Variants in KIAA1671 observed in about 807,000 individuals in gnomAD.
KIAA1671 encodes uncharacterized protein KIAA1671.
KIAA1671 carries 52 observed loss-of-function variants against 131.2 expected under a neutral mutation model. The observed-to-expected ratio is 0.40, with a 90% CI of 0.32 to 0.50. The LOEUF (loss-of-function observed/expected upper bound fraction) is 0.50. Ranked by LOEUF, KIAA1671 falls within the 20% of genes least tolerant of loss-of-function variation. The pLI is 0.73. For missense variants in KIAA1671, 2,360 were observed against 2,364.2 expected, an observed-to-expected ratio of 1.00 and a Z score of 0.04; for synonymous variants, 1,003 against 961.6, an observed-to-expected ratio of 1.04 and a Z score of -0.80.
chr22:25,131,920 G>C (rs568649779), intron 6 of KIAA1671, among the ~76,000 whole-genome samples: 8 of 152,320 alleles, frequency 5.3e-5, no homozygotes, highest in African/African-American at 1.7e-4. Context: ...AGATTGACAC[G>C]AGTTGATGGG....
chr22:25,165,757 C>T (rs1320079478), intron 6 of KIAA1671, among the ~76,000 whole-genome samples: 1 of 152,134 alleles, frequency 6.6e-6, no homozygotes, highest in African/African-American at 2.4e-5. Flanking sequence ...GGAAGGCTTC[C>T]TGGCCATCAA....
At chr22:25,083,629 C>T (rs1219011925) in intron 6 of KIAA1671, among the ~76,000 whole-genome samples, 4 of 152,228 alleles carry the variant, frequency 2.6e-5, no homozygotes, top group African/African-American at 9.6e-5. Context: ...AAGATTTGAT[C>T]CCAGGCTGTC....
At chr22:24,957,948 G>A (rs1379088768) in intron 1 of KIAA1671, among the ~76,000 whole-genome samples, 3 of 146,730 alleles carry the variant, frequency 2.0e-5, no homozygotes, top group Non-Finnish European at 4.5e-5. Flanking sequence ...AAAGTGCTGG[G>A]ATTACAGGCA....
chr22:25,070,757 A>G (rs1939949101), intron 6 of KIAA1671, among the ~76,000 whole-genome samples: 1 of 151,708 alleles, frequency 6.6e-6, no homozygotes, highest in African/African-American at 2.4e-5. Context: ...TTAAAGGACT[A>G]TTCTTTATTC....
chr22:25,020,529 C>G (rs1180461894), intron 1 of KIAA1671, among the ~76,000 whole-genome samples: 1 of 152,124 alleles, frequency 6.6e-6, no homozygotes, highest in Non-Finnish European at 1.5e-5. Flanking sequence ...TAGCCATGAA[C>G]AGGACCCAGG....
chr22:24,977,449 C>T (rs1409774853), intron 1 of KIAA1671, among the ~76,000 whole-genome samples: 3 of 152,182 alleles, frequency 2.0e-5, no homozygotes, highest in Non-Finnish European at 4.4e-5. Flanking sequence ...CTTCTTACCC[C>T]ACAGCTGCCT....
chr22:25,135,622 T>C (rs1438536927), intron 6 of KIAA1671, among the ~76,000 whole-genome samples: 1 of 152,244 alleles, frequency 6.6e-6, no homozygotes, highest in Non-Finnish European at 1.5e-5. Flanking sequence ...TTAACACCTC[T>C]TAATTGGGGA....
At chr22:25,181,028 G>A (rs1004983823) in intron 9 of KIAA1671, among the ~76,000 whole-genome samples, 6 of 152,110 alleles carry the variant, frequency 3.9e-5, no homozygotes, top group Non-Finnish European at 5.9e-5. Flanking sequence ...TCAGTTCCTC[G>A]GGTAGCCCAA....
chr22:25,030,705 C>T (rs1926240055), intron 3 of KIAA1671, among the ~76,000 whole-genome samples: 1 of 152,232 alleles, frequency 6.6e-6, no homozygotes, highest in African/African-American at 2.4e-5. Flanking sequence ...TAATGATATT[C>T]TAAACTTGGC....
chr22:25,101,791 C>T (rs549708932), intron 6 of KIAA1671, among the ~76,000 whole-genome samples: 3 of 152,146 alleles, frequency 2.0e-5, no homozygotes, highest in Non-Finnish European at 4.4e-5. Context: ...ATGAGAGCCT[C>T]TTCAGGATGT....
chr22:24,962,048 TA>T (rs1922044040), intron 1 of KIAA1671, among the ~76,000 whole-genome samples: 1 of 152,204 alleles, frequency 6.6e-6, no homozygotes, highest in Non-Finnish European at 1.5e-5. Context: ...TATTACTGCA[TA>T]AGAAGGTGCT....
intron 12 of KIAA1671, among the ~76,000 whole-genome samples, chr22:25,191,141 G>T (rs2146055030): frequency 7.2e-6 from 1 of 139,330 alleles, no homozygotes; most frequent in South Asian, 2.3e-4. Context: ...ATTAGAAATG[G>T]TTACTTTTTT....
chr22:25,091,934 A>T (rs561300298), intron 6 of KIAA1671, among the ~76,000 whole-genome samples: 1 of 152,280 alleles, frequency 6.6e-6, no homozygotes, highest in South Asian at 2.1e-4. Flanking sequence ...GTACAGCCCC[A>T]TAGAGTTTGG....
At chr22:25,011,158 T>A (rs1368376148) in intron 1 of KIAA1671, 2 of 152,072 alleles carry the variant, frequency 1.3e-5, no homozygotes, top group African/African-American at 4.8e-5. Flanking sequence ...TTTTTTTTTT[T>A]TTGAGACGAA....
chr22:25,050,787 C>T (rs1927492787), intron 6 of KIAA1671: 1 of 152,264 alleles, frequency 6.6e-6, no homozygotes, highest in African/African-American at 2.4e-5. Context: ...GATTCACACA[C>T]ATTTGAAACC....
chr22:25,120,457 GTC>G (rs1931879167), intron 6 of KIAA1671, among the ~76,000 whole-genome samples: 2 of 152,212 alleles, frequency 1.3e-5, no homozygotes, highest in Admixed American at 1.3e-4. Flanking sequence ...CAAAGTCTGG[GTC>G]TCAGAGTAGG....
intron 6 of KIAA1671, among the ~76,000 whole-genome samples, chr22:25,099,537 GTTTTTTTGTTTTTTTTTTTTTTT>G (rs1241573018): frequency 3.5e-4 from 39 of 112,108 alleles, no homozygotes; most frequent in Non-Finnish European, 3.3e-4. Flanking sequence ...CAAAATGTGG[GTTTTTTTGTTTTTTTTTTTTTTT>G]TTTTTTTTTT....
In KIAA1671 at chr22:25,134,542, G is replaced by A. The variant is rs1272991927; in HGVS notation, c.4531-36278G>A. ...CTCCACAATGACCTTGGAAATAGTA[G>A]TTAAATGTCTCTGACTTACACAGAC... On this transcript the variant is annotated intron_variant, in intron 6 of 12. Transcript: ENST00000358431. Among the ~76,000 whole-genome samples the A allele has an allele frequency of 2.0e-5, 3 of 152,332 alleles. No individual in the cohort carries two copies. The East Asian group carries it at 5.8e-4, about 29-fold the overall frequency.
intron 6 of KIAA1671, among the ~76,000 whole-genome samples, chr22:25,084,190 T>C (rs977200476): frequency 2.4e-4 from 37 of 152,258 alleles, no homozygotes; most frequent in African/African-American, 6.0e-4. Context: ...GGCTCCTGTG[T>C]GTATAGAACT....
Sources: allele counts gnomAD v4.1 joint callset (sites outside exome capture counted in the v4.1 genomes callset), GRCh38; gene constraint gnomAD v4.1.1; transcripts MANE v1.5; gene names NCBI Gene and HGNC (gene_info 2026-07-23, HGNC 2026-07-21).